The following MAST2 variants were observed in gnomAD, a reference collection of about 807,000 sequenced individuals.
MAST2 encodes the protein microtubule-associated serine/threonine-protein kinase 2.
Under a neutral mutation model 147.4 loss-of-function variants are expected in MAST2, and 70 were observed. The observed-to-expected ratio is 0.47, with a 90% CI of 0.39 to 0.58. The LOEUF is 0.58. Ranked by LOEUF, MAST2 falls within the 20% of genes least tolerant of loss-of-function variation. The pLI, the probability that MAST2 is intolerant of heterozygous loss-of-function variation, is 0.00. For missense variants in MAST2, 2,080 were observed against 2,302.3 expected (o/e 0.90, Z 1.98); for synonymous variants, 869 against 896.8 (o/e 0.97, Z 0.55).
At chr1:45,928,286 A>C (rs181687399) in intron 4 of MAST2, among the ~76,000 whole-genome samples, 219 of 152,352 alleles carry the variant, frequency 1.4e-3, no homozygotes, top group Non-Finnish European at 2.2e-3. Context: ...ACTCCTGAAA[A>C]ATGTAATCAC....
At chr1:45,965,070 T>A (rs1421230745) in intron 5 of MAST2, among the ~76,000 whole-genome samples, 1 of 152,236 alleles carries the variant, frequency 6.6e-6, no homozygotes, top group African/African-American at 2.4e-5. Flanking sequence ...TTGATTGCAC[T>A]GTGGTGTGAG....
intron 18 of MAST2, 187 bp downstream of exon 18, chr1:46,029,120 TTGGGGCTTCACA>T (rs1170644640): frequency 9.4e-6 from 6 of 638,240 alleles, no homozygotes; most frequent in East Asian, 8.5e-5. Flanking sequence ...ACTGTGTCCC[TTGGGGCTTCACA>T]TGTCTCTCAT....
intron 1 of MAST2, among the ~76,000 whole-genome samples, chr1:45,813,496 ATT>A (rs34566447): frequency 5.7e-4 from 77 of 134,578 alleles, no homozygotes; most frequent in Non-Finnish European, 6.2e-4. Context: ...CGCCTGGCCA[ATT>A]TTTTTTTTTT....
chr1:45,972,623 C>G (rs1010270263), intron 5 of MAST2, among the ~76,000 whole-genome samples: 26 of 152,204 alleles, frequency 1.7e-4, no homozygotes, highest in Non-Finnish European at 1.0e-4. Flanking sequence ...GGGCTAATTT[C>G]ATTATCCCTT....
intron 4 of MAST2, among the ~76,000 whole-genome samples, chr1:45,885,130 C>G (rs1045195779): frequency 6.6e-6 from 1 of 152,184 alleles, no homozygotes; most frequent in Admixed American, 6.5e-5. Context: ...CACTGTTTCT[C>G]GTCCTCATAG....
rs189361839 is a variant in MAST2, at chr1:45,972,489, T to C, written c.592+13012T>C. ...GAAAGTTTTAGACCCAGGCCACTAA[T>C]TGGGTAGTCTTGGAGAGGGGTGGCA... On this transcript the variant is annotated intron_variant, in intron 5 of 28. Coordinates refer to ENST00000361297, the MANE Select transcript of MAST2 (RefSeq NM_015112.3). Among the ~76,000 whole-genome samples, 713 of 152,352 alleles carry C rather than the reference T, an allele frequency of 4.7e-3. 3 individuals are homozygous for C. Among genetic ancestry groups the C allele is most frequent in the Non-Finnish European group, 7.3e-3 (495 of 68,028 alleles).
chr1:45,832,208 A>G (rs531434880), intron 3 of MAST2, among the ~76,000 whole-genome samples: 66 of 152,200 alleles, frequency 4.3e-4, no homozygotes, highest in Admixed American at 5.2e-4. Context: ...AAACAAACAA[A>G]CAAGCAAAAA....
At chr1:45,947,500 T>C (rs987146761) in intron 4 of MAST2, among the ~76,000 whole-genome samples, 6 of 152,084 alleles carry the variant, frequency 3.9e-5, no homozygotes, top group African/African-American at 1.2e-4. Context: ...TTGTTTTAAA[T>C]GCATAGCTGA....
intron 3 of MAST2, among the ~76,000 whole-genome samples, chr1:45,839,263 G>A (rs1420095958): frequency 6.6e-6 from 1 of 151,544 alleles, no homozygotes; most frequent in African/African-American, 2.4e-5. Context: ...CCAGTAGCTG[G>A]GATTACAGGT....
chr1:46,034,134 C>A lies in MAST2; in HGVS notation c.3736C>A (p.Arg1246Ser). The change falls in exon 28 of 29, where the codon CGC becomes AGC. Residue 1246 changes from arginine to serine, a missense_variant. By Grantham distance (110) the Arg-to-Ser change is moderately radical (BLOSUM62 -1). Coordinates refer to ENST00000361297, the MANE Select transcript of MAST2 (RefSeq NM_015112.3). ...GCAAGCATCCCTGCTCCACACCAGCCGCAGCCTTTCTTCCCTTAACCGCTC... is the reference window on the plus strand; with the variant it reads ...GCAAGCATCCCTGCTCCACACCAGCAGCAGCCTTTCTTCCCTTAACCGCTC... ...TKQASLLHTS[R>S]SLSSLNRSLS... The A allele has an allele frequency of 6.2e-7, 1 of 1,614,168 alleles. No individual in the cohort carries two copies. The highest frequency in any genetic ancestry group is 8.5e-7 in the Non-Finnish European group (1 of 1,180,016).
intron 3 of MAST2, among the ~76,000 whole-genome samples, chr1:45,863,438 A>G (rs1350241806): frequency 6.6e-6 from 1 of 152,216 alleles, no homozygotes; most frequent in Non-Finnish European, 1.5e-5. Flanking sequence ...GAATCCGTGG[A>G]AATGTGGATT....
intron 4 of MAST2, among the ~76,000 whole-genome samples, chr1:45,950,874 G>C (rs1241970185): frequency 2.0e-5 from 3 of 152,070 alleles, no homozygotes; most frequent in Admixed American, 6.6e-5. Context: ...TTGAGCCCAG[G>C]AGTTCGAAAC....
At chr1:45,813,092 T>C (rs559422669) in intron 1 of MAST2, among the ~76,000 whole-genome samples, 3 of 152,268 alleles carry the variant, frequency 2.0e-5, no homozygotes, top group Non-Finnish European at 2.9e-5. Context: ...TATCCTCCCA[T>C]GTACTTTAAA....
chr1:45,876,604 G>A (rs894079875), intron 3 of MAST2, among the ~76,000 whole-genome samples: 7 of 152,212 alleles, frequency 4.6e-5, no homozygotes, highest in Non-Finnish European at 8.8e-5. Context: ...CCTCAGCCAA[G>A]TTTCCTGATT....
At chr1:46,029,357 A>C in intron 18 of MAST2, 109 bp from the exon 19 acceptor site, 1 of 824,578 alleles carries the variant, frequency 1.2e-6, no homozygotes, top group Non-Finnish European at 1.9e-6. Flanking sequence ...CAGGGGCTCC[A>C]GGCTGGGTCC....
chr1:45,832,498 T>C (rs1411936875), intron 3 of MAST2, among the ~76,000 whole-genome samples: 1 of 152,160 alleles, frequency 6.6e-6, no homozygotes, highest in Non-Finnish European at 1.5e-5. Context: ...TTTTGCCATG[T>C]TGGCCAGGCT....
chr1:45,966,595 A>G (rs952733492), intron 5 of MAST2, among the ~76,000 whole-genome samples: 2 of 152,096 alleles, frequency 1.3e-5, no homozygotes, highest in African/African-American at 4.8e-5. Flanking sequence ...GGTGGTGTGC[A>G]CCTGTAATCC....
At chr1:45,971,162 CTTG>C (rs775486568) in intron 5 of MAST2, among the ~76,000 whole-genome samples, 4 of 152,176 alleles carry the variant, frequency 2.6e-5, no homozygotes, top group African/African-American at 4.8e-5. Context: ...GGATTCAGGA[CTTG>C]TTGTAGTTGC....
intron 4 of MAST2, among the ~76,000 whole-genome samples, chr1:45,917,018 C>T (rs1298480381): frequency 6.6e-6 from 1 of 152,176 alleles, no homozygotes; most frequent in African/African-American, 2.4e-5. Flanking sequence ...GCAGAGGTTG[C>T]AGTGAGCCAA....
Sources: allele counts gnomAD v4.1 joint callset (sites outside exome capture counted in the v4.1 genomes callset), GRCh38; gene constraint gnomAD v4.1.1; transcripts MANE v1.5; gene names NCBI Gene and HGNC (gene_info 2026-07-23, HGNC 2026-07-21).